The following ANKS1B variants were observed in gnomAD, a reference collection of about 807,000 sequenced individuals.
ANKS1B encodes the protein ankyrin repeat and sterile alpha motif domain-containing protein 1B.
A neutral mutation model predicts 148.3 loss-of-function variants in ANKS1B; 36 were observed. The observed-to-expected ratio is 0.24, with a 90% CI of 0.19 to 0.32. The LOEUF (loss-of-function observed/expected upper bound fraction) is 0.32. ANKS1B is among the 10% of genes least tolerant of loss of function. The pLI is 1.00. For synonymous variants in ANKS1B, 542 were observed against 560.8 expected (o/e 0.97, Z 0.47); for missense variants, 1,157 against 1,542.6 (o/e 0.75, Z 4.19).
intron 17 of ANKS1B, among the ~76,000 whole-genome samples, chr12:99,022,613 A>G (rs377072157): frequency 6.6e-6 from 1 of 152,094 alleles, no homozygotes. Context: ...TGAATAAAAA[A>G]TTTTGAAAGT....
In ANKS1B at chr12:98,908,821, A is replaced by G. The variant is rs144244764; in HGVS notation, c.2779-76685T>C. 5.9e-5 allele frequency among the ~76,000 whole-genome samples: 9 copies of G among 152,314 alleles called. No homozygotes were observed. The East Asian group carries it at 1.2e-3, about 20-fold the overall frequency. On this transcript the variant is annotated intron_variant, in intron 17 of 26. Coordinates refer to ENST00000683438, the MANE Select transcript of ANKS1B (RefSeq NM_001352186.2). ...TTTGCAGGGGAAGAGAACAGGAGTG[A>G]CAGTATGTCCTTTAGAAAGTGGAAA...
rs375838116 is a variant in ANKS1B, at chr12:98,769,988, G to C, written c.3579+3054C>G. 7.9e-5 allele frequency among the ~76,000 whole-genome samples: 12 copies of C among 152,232 alleles called. 1 individual carries two copies. Among genetic ancestry groups the C allele is most frequent in the African/African-American group, 2.9e-4 (12 of 41,552 alleles). ...TCGTAATGGCAGTAGGAAAACTTTG[G>C]AAGATAAATACACATCTGACAAACC... On this transcript the variant is annotated intron_variant, in intron 25 of 26. Transcript: ENST00000683438.
intron 16 of ANKS1B, among the ~76,000 whole-genome samples, chr12:99,059,788 C>CACATATATATATATATATATATATAT (rs1555201025): frequency 1.1e-5 from 1 of 90,322 alleles, no homozygotes; most frequent in Non-Finnish European, 2.1e-5. Flanking sequence ...AACTAAAATT[C>CACATATATATATATATATATATATAT]ATATATATAT....
chr12:99,511,984 A>T (rs530659409), intron 9 of ANKS1B, among the ~76,000 whole-genome samples: 1 of 152,232 alleles, frequency 6.6e-6, no homozygotes, highest in Non-Finnish European at 1.5e-5. Flanking sequence ...AGGCAATACC[A>T]TTCAGGACAT....
At chr12:99,412,768 A>G (rs534796439) in intron 11 of ANKS1B, among the ~76,000 whole-genome samples, 1 of 152,278 alleles carries the variant, frequency 6.6e-6, no homozygotes, top group African/African-American at 2.4e-5. Context: ...GAATTCTCAT[A>G]TTTCTCTGTC....
chr12:99,077,704 T>C (rs1347746995), intron 16 of ANKS1B, among the ~76,000 whole-genome samples: 3 of 152,220 alleles, frequency 2.0e-5, no homozygotes, highest in African/African-American at 7.2e-5. Context: ...TTTAAGAGAA[T>C]GACTCTGTTC....
At chr12:99,902,268 A>T (rs927611202) in intron 1 of ANKS1B, among the ~76,000 whole-genome samples, 1 of 152,226 alleles carries the variant, frequency 6.6e-6, no homozygotes, top group African/African-American at 2.4e-5. Context: ...GAACTGGAAG[A>T]TCATTCCAGG....
At chr12:99,240,062 A>AATATTAAC (rs1422482737) in intron 14 of ANKS1B, among the ~76,000 whole-genome samples, 6 of 152,204 alleles carry the variant, frequency 3.9e-5, no homozygotes, top group Admixed American at 3.3e-4. Context: ...CAAAGATAAC[A>AATATTAAC]ATATTAACCT....
At chr12:99,059,439 A>G (rs1430282341) in intron 16 of ANKS1B, among the ~76,000 whole-genome samples, 2 of 152,238 alleles carry the variant, frequency 1.3e-5, no homozygotes, top group Non-Finnish European at 2.9e-5. Flanking sequence ...CCATGTTATG[A>G]AAACTAAGGT....
chr12:99,620,673 G>A (rs1567495679), intron 9 of ANKS1B, among the ~76,000 whole-genome samples: 1 of 152,054 alleles, frequency 6.6e-6, no homozygotes, highest in Non-Finnish European at 1.5e-5. Flanking sequence ...CCTGAAGACT[G>A]GTCTTTTGCA....
intron 9 of ANKS1B, among the ~76,000 whole-genome samples, chr12:99,635,737 T>TTTTCC (rs1292488715): frequency 2.8e-4 from 43 of 152,266 alleles, no homozygotes; most frequent in African/African-American, 9.9e-4. Context: ...AAATAGTTAA[T>TTTTCC]ATGGAAAATT....
intron 8 of ANKS1B, among the ~76,000 whole-genome samples, chr12:99,772,077 T>A (rs1416338830): frequency 6.6e-6 from 1 of 152,126 alleles, no homozygotes; most frequent in Non-Finnish European, 1.5e-5. Context: ...TTAATACCAG[T>A]ATATACTATA....
chr12:99,826,760 A>G (rs976134189), intron 1 of ANKS1B, among the ~76,000 whole-genome samples: 1 of 152,106 alleles, frequency 6.6e-6, no homozygotes, highest in Admixed American at 6.6e-5. Flanking sequence ...AAAAATTCTA[A>G]AATTCATATG....
At chr12:99,427,131 C>A (rs972382451) in intron 11 of ANKS1B, among the ~76,000 whole-genome samples, 2 of 152,124 alleles carry the variant, frequency 1.3e-5, no homozygotes, top group African/African-American at 4.8e-5. Context: ...TAATTGTTTC[C>A]CCTATTTTTC....
chr12:98,868,663 A>G (rs1005205010), intron 17 of ANKS1B, among the ~76,000 whole-genome samples: 20 of 152,228 alleles, frequency 1.3e-4, no homozygotes, highest in African/African-American at 4.8e-4. Context: ...TCGAGTTGAA[A>G]TCACCAAAAG....
At chr12:98,902,557 T>G (rs1051993768) in intron 17 of ANKS1B, among the ~76,000 whole-genome samples, 3 of 152,194 alleles carry the variant, frequency 2.0e-5, no homozygotes, top group African/African-American at 7.2e-5. Context: ...ACTTGGAGTC[T>G]TCAAGGAGGT....
chr12:99,596,373 G>T (rs1237862330), intron 9 of ANKS1B, among the ~76,000 whole-genome samples: 1 of 151,622 alleles, frequency 6.6e-6, no homozygotes, highest in Non-Finnish European at 1.5e-5. Context: ...CCTTTTTCCT[G>T]TGTGTCCTGT....
At chr12:99,091,159 T>C (rs2053855403) in intron 15 of ANKS1B, among the ~76,000 whole-genome samples, 1 of 152,204 alleles carries the variant, frequency 6.6e-6, no homozygotes, top group South Asian at 2.1e-4. Context: ...CATCATCTTA[T>C]ATGTGCAAGC....
chr12:98,857,296 G>C lies in ANKS1B; in HGVS notation c.2779-25160C>G, dbSNP rs524002. On this transcript the variant is annotated intron_variant, in intron 17 of 26. Coordinates refer to ENST00000683438, the MANE Select transcript of ANKS1B (RefSeq NM_001352186.2). Reference sequence around the variant, plus strand: ...ATTCTAGGCCAATGCACCTGCATGAGAGGAGTGGGATACGGTGTGAGCAAT... The same window carrying C: ...ATTCTAGGCCAATGCACCTGCATGACAGGAGTGGGATACGGTGTGAGCAAT... Among the ~76,000 whole-genome samples the C allele has an allele frequency of 6.5e-3, 993 of 152,368 alleles. 7 individuals are homozygous for C. The highest frequency in any genetic ancestry group is 0.011 in the Non-Finnish European group (777 of 68,036).
Sources: allele counts gnomAD v4.1 joint callset (sites outside exome capture counted in the v4.1 genomes callset), GRCh38; gene constraint gnomAD v4.1.1; transcripts MANE v1.5; gene names NCBI Gene and HGNC (gene_info 2026-07-23, HGNC 2026-07-21).